NMNAT2: variants seen among roughly 807,000 people sequenced by gnomAD.
NMNAT2 encodes the protein nicotinamide nucleotide adenylyltransferase 2.
A neutral mutation model predicts 41.6 loss-of-function variants in NMNAT2; 11 were observed. The observed-to-expected ratio is 0.26, with a 90% CI of 0.17 to 0.44. The LOEUF (loss-of-function observed/expected upper bound fraction) is 0.44. NMNAT2 is among the 20% of genes least tolerant of loss of function. The probability of loss-of-function intolerance (pLI) is 1.00; values close to 1 mark genes in which losing one functional copy is unlikely to be tolerated. For missense variants in NMNAT2, 288 were observed against 407.7 expected (o/e 0.71, Z 2.53); for synonymous variants, 148 against 151.2 (o/e 0.98, Z 0.16).
intron 1 of NMNAT2, among the ~76,000 whole-genome samples, chr1:183,324,483 C>T (rs551850446): frequency 6.6e-5 from 10 of 152,240 alleles, no homozygotes; most frequent in Admixed American, 6.5e-5. Flanking sequence ...AAATAAACTC[C>T]GAACTGCTTA....
chr1:183,393,207 C>G (rs1557898704), intron 1 of NMNAT2, among the ~76,000 whole-genome samples: 1 of 152,220 alleles, frequency 6.6e-6, no homozygotes, highest in Non-Finnish European at 1.5e-5. Flanking sequence ...CAGTTGTCAT[C>G]ATCATCATAA....
rs1264456987 is a variant in NMNAT2 at position 183,251,200 on chromosome 1, C to G, written c.*1441G>C. Reference sequence around the variant, plus strand: ...CTCCCAGATCTCCCTTCTGGGAACCCACTCCCCTATTAGGGAGATTTTCTC... The same window carrying G: ...CTCCCAGATCTCCCTTCTGGGAACCGACTCCCCTATTAGGGAGATTTTCTC... On this transcript the variant is annotated 3_prime_UTR_variant, in exon 11 of 11. Coordinates refer to ENST00000287713, the MANE Select transcript of NMNAT2 (RefSeq NM_015039.4). 1 of 152,202 alleles carries G rather than the reference C, an allele frequency of 6.6e-6. No individual in the cohort carries two copies. Among genetic ancestry groups the G allele is most frequent in the Non-Finnish European group, 1.5e-5 (1 of 68,058 alleles). The allele number at this position is 152,202 out of a possible 1,614,324, so 9.4% of individuals were successfully genotyped here. A position where few individuals can be genotyped will look rare whatever the true frequency, so the allele number is the denominator to read the frequency against.
At chr1:183,417,594 G>A (rs998755633) in intron 1 of NMNAT2, among the ~76,000 whole-genome samples, 1 of 152,136 alleles carries the variant, frequency 6.6e-6, no homozygotes, top group South Asian at 2.1e-4. Flanking sequence ...CACCTCGCGC[G>A]GGCAATACAC....
chr1:183,347,474 A>T (rs76824800), intron 1 of NMNAT2, among the ~76,000 whole-genome samples: 1 of 152,070 alleles, frequency 6.6e-6, no homozygotes, highest in African/African-American at 2.4e-5. Context: ...TGATGATGAT[A>T]ATAATAATAA....
chr1:183,295,463 C>T (rs1215113529), intron 1 of NMNAT2, among the ~76,000 whole-genome samples: 2 of 152,160 alleles, frequency 1.3e-5, no homozygotes. Flanking sequence ...GCAGTTTCCC[C>T]CATTATATTA....
chr1:183,278,251 C>A (rs1661169432), intron 8 of NMNAT2, among the ~76,000 whole-genome samples: 1 of 151,810 alleles, frequency 6.6e-6, no homozygotes, highest in South Asian at 2.1e-4. Context: ...ATTTTTTTTT[C>A]TCCCTTCCTT....
chr1:183,340,036 A>G (rs1662762102), intron 1 of NMNAT2, among the ~76,000 whole-genome samples: 1 of 152,252 alleles, frequency 6.6e-6, no homozygotes, highest in African/African-American at 2.4e-5. Context: ...CACAATGATT[A>G]CAAGGAGCAG....
intron 1 of NMNAT2, among the ~76,000 whole-genome samples, chr1:183,377,187 T>G (rs564763308): frequency 6.6e-6 from 1 of 152,168 alleles, no homozygotes; most frequent in East Asian, 1.9e-4. Flanking sequence ...GAATTCTTGT[T>G]GGGTGCAACA....
chr1:183,416,892 C>T (rs1649268079), intron 1 of NMNAT2, among the ~76,000 whole-genome samples: 1 of 152,214 alleles, frequency 6.6e-6, no homozygotes, highest in Admixed American at 6.5e-5. Flanking sequence ...TCCGGATAAA[C>T]ACGTGTGCCC....
chr1:183,285,989 A>G (rs919474111), intron 5 of NMNAT2, among the ~76,000 whole-genome samples: 3 of 152,178 alleles, frequency 2.0e-5, no homozygotes, highest in Admixed American at 2.0e-4. Flanking sequence ...ACCTTTGGCA[A>G]GATCCTCAAC....
rs1438760337 is a variant in NMNAT2 at position 183,272,678 on chromosome 1, A to G, written c.651+5875T>C. Among the ~76,000 whole-genome samples, 4 of 152,302 alleles carry G rather than the reference A, an allele frequency of 2.6e-5. No homozygotes were observed. In the East Asian group the frequency reaches 7.7e-4, roughly 29 times the overall value. On this transcript the variant is annotated intron_variant, in intron 8 of 10. Transcript: ENST00000287713. ...AAAGAGCAAAACTGACTCAGTAGAG[A>G]GTGTGTGTTGGTGCTGGAGGAGGCC...
At chr1:183,304,922 T>A in intron 1 of NMNAT2, 1 of 1,378,872 alleles carries the variant, frequency 7.3e-7, no homozygotes, top group Non-Finnish European at 9.5e-7. Flanking sequence ...CTCCCTTCCA[T>A]AACTGTCACT....
At chr1:183,279,818 C>G (rs1661214477) in intron 7 of NMNAT2, among the ~76,000 whole-genome samples, 3 of 152,216 alleles carry the variant, frequency 2.0e-5, no homozygotes, top group Non-Finnish European at 4.4e-5. Flanking sequence ...ATGAAATATT[C>G]CTGCATCCTG....
At chr1:183,379,514 G>T (rs983064861) in intron 1 of NMNAT2, among the ~76,000 whole-genome samples, 5 of 152,036 alleles carry the variant, frequency 3.3e-5, no homozygotes, top group Admixed American at 2.0e-4. Context: ...GATATAGATA[G>T]GTTAAAAGTA....
At chr1:183,354,002 A>C (rs747734584) in intron 1 of NMNAT2, among the ~76,000 whole-genome samples, 2 of 152,180 alleles carry the variant, frequency 1.3e-5, no homozygotes, top group Non-Finnish European at 2.9e-5. Flanking sequence ...TAAGGATGGC[A>C]ATGACAATCT....
At chr1:183,359,302 G>A (rs889764609) in intron 1 of NMNAT2, among the ~76,000 whole-genome samples, 6 of 152,072 alleles carry the variant, frequency 3.9e-5, no homozygotes, top group East Asian at 3.9e-4. Flanking sequence ...GACATATTTC[G>A]CTGCCATTAG....
chr1:183,311,569 A>G (rs1662119788), intron 1 of NMNAT2, among the ~76,000 whole-genome samples: 1 of 151,978 alleles, frequency 6.6e-6, no homozygotes, highest in South Asian at 2.1e-4. Flanking sequence ...CCTGCCTACC[A>G]CTTCTCAGGG....
intron 3 of NMNAT2, 57 bp downstream of exon 3, chr1:183,292,733 C>G: frequency 6.7e-7 from 1 of 1,499,732 alleles, no homozygotes; most frequent in Non-Finnish European, 9.2e-7. Context: ...TTTTTCCCCA[C>G]CCCACTCCCA....
intron 1 of NMNAT2, among the ~76,000 whole-genome samples, chr1:183,318,631 C>G (rs1662300719): frequency 6.6e-6 from 1 of 152,160 alleles, no homozygotes; most frequent in Non-Finnish European, 1.5e-5. Flanking sequence ...ATTGCACAAC[C>G]CTGCTCTCCC....
Sources: allele counts gnomAD v4.1 joint callset (sites outside exome capture counted in the v4.1 genomes callset), GRCh38; gene constraint gnomAD v4.1.1; transcripts MANE v1.5; gene names NCBI Gene and HGNC (gene_info 2026-07-23, HGNC 2026-07-21).